ANXA4: variants seen among roughly 807,000 people sequenced by gnomAD.
The protein encoded by ANXA4 is annexin A4.
In ANXA4, 39 loss-of-function variants were observed where a neutral mutation model predicts 49.8. The observed-to-expected ratio is 0.78, with a 90% CI of 0.61 to 1.02. The LOEUF (loss-of-function observed/expected upper bound fraction) is 1.02. Ranked by LOEUF, ANXA4 falls within the 50% of genes least tolerant of loss-of-function variation. ANXA4 has a pLI of 0.00. For missense variants in ANXA4, 360 were observed against 410.1 expected (o/e 0.88, Z 1.05); for synonymous variants, 134 against 152.5 (o/e 0.88, Z 0.89).
chr2:69,757,266 A>ATATAT (rs1424932911), intron 1 of ANXA4, among the ~76,000 whole-genome samples: 3 of 27,650 alleles, frequency 1.1e-4, no homozygotes, highest in Non-Finnish European at 2.0e-4. Context: ...ATATATATAT[A>ATATAT]TTTTTTTTTT....
At chr2:69,792,177 A>C (rs1277160663) in intron 3 of ANXA4, among the ~76,000 whole-genome samples, 2 of 152,224 alleles carry the variant, frequency 1.3e-5, no homozygotes, top group African/African-American at 4.8e-5. Context: ...AGTATATTTA[A>C]AATTTAAAAC....
upstream of ANXA4, among the ~76,000 whole-genome samples, chr2:69,740,613 C>T (rs1490931938): frequency 6.6e-6 from 1 of 150,912 alleles, no homozygotes; most frequent in African/African-American, 2.4e-5. Flanking sequence ...GCTATGCACC[C>T]GGCTAATTAT....
At chr2:69,694,322 G>T (rs996729656) in intron 2 of ANXA4, among the ~76,000 whole-genome samples, 1 of 151,568 alleles carries the variant, frequency 6.6e-6, no homozygotes, top group East Asian at 1.9e-4. Context: ...TACCACATCC[G>T]TTGGTGCCTT....
chr2:69,762,851 ACACACACTCACT>A (rs1320411700), intron 1 of ANXA4, among the ~76,000 whole-genome samples: 2 of 96,668 alleles, frequency 2.1e-5, no homozygotes, highest in Admixed American at 1.2e-4. Flanking sequence ...TCTCATAAAC[ACACACACTCACT>A]CACACACTCA....
chr2:69,693,116 AG>A (rs1296837270), intron 2 of ANXA4, among the ~76,000 whole-genome samples: 1 of 152,214 alleles, frequency 6.6e-6, no homozygotes, highest in Non-Finnish European at 1.5e-5. Context: ...TAAATCTCCA[AG>A]AAGAGCATCT....
At chr2:69,658,778 T>G (rs1377243024) in intron 2 of ANXA4, among the ~76,000 whole-genome samples, 3 of 152,166 alleles carry the variant, frequency 2.0e-5, no homozygotes, top group Non-Finnish European at 4.4e-5. Flanking sequence ...CACTGCAACC[T>G]CCGCCTCCCT....
At chr2:69,801,469 A>C (rs1673192242) in intron 3 of ANXA4, among the ~76,000 whole-genome samples, 2 of 150,764 alleles carry the variant, frequency 1.3e-5, no homozygotes, top group African/African-American at 4.9e-5. Flanking sequence ...CACTGGCATG[A>C]TCTTGGCTCA....
chr2:69,752,788 C>T (rs975196182), intron 1 of ANXA4, among the ~76,000 whole-genome samples: 11 of 152,184 alleles, frequency 7.2e-5, no homozygotes, highest in African/African-American at 2.4e-4. Flanking sequence ...ATTTAGTCCA[C>T]CCTCTAGGCC....
intron 2 of ANXA4, among the ~76,000 whole-genome samples, chr2:69,665,058 G>A (rs984515440): frequency 6.6e-6 from 1 of 152,102 alleles, no homozygotes; most frequent in African/African-American, 2.4e-5. Context: ...AGCTGAGATC[G>A]CGCCACTGCA....
chr2:69,705,594 A>C (rs1678468320), intron 2 of ANXA4, among the ~76,000 whole-genome samples: 2 of 152,206 alleles, frequency 1.3e-5, no homozygotes, highest in African/African-American at 4.8e-5. Context: ...TTGTTAACAT[A>C]TTAACACTTT....
At chr2:69,648,504 G>C (rs1676092721) in intron 1 of ANXA4, among the ~76,000 whole-genome samples, 1 of 152,136 alleles carries the variant, frequency 6.6e-6, no homozygotes, top group African/African-American at 2.4e-5. Context: ...AAGCGAACTT[G>C]TAAGAACCAT....
In ANXA4 at chr2:69,806,484, C is replaced by G; in HGVS notation, c.292C>G (p.Arg98Gly). The G allele has an allele frequency of 6.2e-7, 1 of 1,613,830 alleles. No homozygotes were observed. The highest frequency in any genetic ancestry group is 1.1e-5 in the South Asian group (1 of 91,056). The part of the protein sequence containing the change: ...PTVLYDVQEL[R>G]RAMKGAGTDE... ...GGTGCTGTATGACGTGCAAGAGCTG[C>G]GAAGGGCCATGAAGGTCTGTGCTCT... Residue 98 changes from arginine to glycine, a missense_variant, in exon 5 of 13, where the codon CGA (arginine) becomes GGA (glycine). By Grantham distance (125) the Arg-to-Gly change is moderately radical (BLOSUM62 -2). Transcript: ENST00000394295.
chr2:69,823,349 CAGAAT>C (rs1674328001), intron 12 of ANXA4, among the ~76,000 whole-genome samples: 2 of 149,692 alleles, frequency 1.3e-5, no homozygotes, highest in Non-Finnish European at 3.0e-5. Context: ...ATGAAAAAAG[CAGAAT>C]AGAAGCATAA....
chr2:69,772,924 G>A (rs1671786307), intron 1 of ANXA4, among the ~76,000 whole-genome samples: 1 of 152,070 alleles, frequency 6.6e-6, no homozygotes, highest in African/African-American at 2.4e-5. Context: ...GGCTGAGGCA[G>A]GAGAATCACT....
chr2:69,667,364 T>G (rs1676976223), intron 2 of ANXA4, among the ~76,000 whole-genome samples: 1 of 151,996 alleles, frequency 6.6e-6, no homozygotes, highest in Admixed American at 6.5e-5. Flanking sequence ...AAGAGATCCT[T>G]TTGTAGTTCA....
At chr2:69,667,566 A>G (rs551876084) in intron 2 of ANXA4, among the ~76,000 whole-genome samples, 1 of 151,964 alleles carries the variant, frequency 6.6e-6, no homozygotes, top group South Asian at 2.1e-4. Flanking sequence ...AGAACTGGAC[A>G]GGATATCCTG....
chr2:69,708,840 A>G (rs1353487762), intron 2 of ANXA4, among the ~76,000 whole-genome samples: 4 of 152,098 alleles, frequency 2.6e-5, no homozygotes, highest in Non-Finnish European at 5.9e-5. Flanking sequence ...AACATGGTGA[A>G]ACCCTGTCTC....
At chr2:69,752,951 C>G (rs1036253513) in intron 1 of ANXA4, among the ~76,000 whole-genome samples, 2 of 152,176 alleles carry the variant, frequency 1.3e-5, no homozygotes, top group Non-Finnish European at 2.9e-5. Flanking sequence ...TTTGCTTTTA[C>G]TGTTTACTCT....
rs554944222 is a variant in ANXA4 at position 69,719,445 on chromosome 2, A to T, written n.767-1329A>T. ...ATCCAAGTAATTTTTAAAAATTATT[A>T]TTATTTTTTTTTGAGACGGAGTCTT... is the stretch of plus-strand genomic sequence containing the variant. On this transcript the variant is annotated intron_variant and non_coding_transcript_variant, in intron 2 of 3. Transcript: ENST00000418066. Among the ~76,000 whole-genome samples the T allele has an allele frequency of 5.3e-5, 8 of 150,242 alleles. No individual in the cohort carries two copies. In the South Asian group the frequency reaches 1.7e-3, roughly 32 times the overall value.
Sources: gnomAD v4.1 joint callset for allele counts (sites outside exome capture counted in the v4.1 genomes callset) on GRCh38, gnomAD v4.1.1 for gene constraint, MANE v1.5 for transcripts, NCBI Gene and HGNC (gene_info 2026-07-23, HGNC 2026-07-21) for gene names.